The following NRXN1 variants were observed in gnomAD, a reference collection of about 807,000 sequenced individuals.
The protein encoded by NRXN1 is neurexin 1.
In NRXN1, 39 loss-of-function variants were observed where a neutral mutation model predicts 150.9. The observed-to-expected ratio is 0.26, with a 90% CI of 0.20 to 0.34. NRXN1 has a LOEUF of 0.34. Ranked by LOEUF, NRXN1 falls within the 10% of genes least tolerant of loss-of-function variation. The pLI is 1.00. For synonymous variants in NRXN1, 924 were observed against 757.0 expected, an observed-to-expected ratio of 1.22 and a Z score of -3.62; for missense variants, 1,815 against 1,949.9, an observed-to-expected ratio of 0.93 and a Z score of 1.30.
chr2:50,801,119 A>C (rs1707526819), intron 5 of NRXN1, among the ~76,000 whole-genome samples: 1 of 152,120 alleles, frequency 6.6e-6, no homozygotes, highest in African/African-American at 2.4e-5. Flanking sequence ...ATTATCAATT[A>C]TTTTTTATGC....
intron 2 of NRXN1, among the ~76,000 whole-genome samples, chr2:50,971,450 G>A (rs1265452087): frequency 1.3e-5 from 2 of 151,980 alleles, no homozygotes; most frequent in Admixed American, 6.6e-5. Flanking sequence ...TGGTGTGCTG[G>A]CAGGCACTTG....
intron 17 of NRXN1, among the ~76,000 whole-genome samples, chr2:50,290,577 T>C (rs1197990934): frequency 2.0e-5 from 3 of 152,092 alleles, no homozygotes; most frequent in Non-Finnish European, 4.4e-5. Flanking sequence ...ACAGTGCTAG[T>C]TTCCTACGTT....
In NRXN1 at chr2:50,930,674, G is replaced by C. The variant is rs76482246; in HGVS notation, c.773-4719C>G. 6.1e-3 allele frequency among the ~76,000 whole-genome samples: 923 copies of C among 152,228 alleles called. 5 individuals carry two copies. Among genetic ancestry groups the C allele is most frequent in the African/African-American group, 0.019 (800 of 41,536 alleles). On this transcript the variant is annotated intron_variant, in intron 2 of 22. Transcript: ENST00000401669. ...ACATTCATTTCAATAGTTGGACTTA[G>C]GAAGGAACACTGAATTTAACAGTGA...
At chr2:50,863,554 GCA>G (rs142827088) in intron 5 of NRXN1, among the ~76,000 whole-genome samples, 3,885 of 152,056 alleles carry the variant, frequency 0.026, 89 homozygotes, top group Non-Finnish European at 0.044. Context: ...CCAGGTATCA[GCA>G]CACAGCCCTT....
chr2:50,374,898 T>G (rs2080370563), intron 17 of NRXN1, among the ~76,000 whole-genome samples: 1 of 152,178 alleles, frequency 6.6e-6, no homozygotes, highest in Admixed American at 6.6e-5. Flanking sequence ...TCTTAAGTTA[T>G]GGAATGCAGC....
chr2:50,982,579 C>G (rs949700748), intron 2 of NRXN1, among the ~76,000 whole-genome samples: 46 of 152,072 alleles, frequency 3.0e-4, no homozygotes, highest in African/African-American at 1.0e-3. Flanking sequence ...TTTACATGAA[C>G]TTCATCTTTC....
intron 18 of NRXN1, among the ~76,000 whole-genome samples, chr2:50,169,483 G>A (rs997886336): frequency 2.0e-5 from 3 of 152,102 alleles, no homozygotes; most frequent in Non-Finnish European, 2.9e-5. Flanking sequence ...GGGAGGCCAA[G>A]GAGGGCGGAT....
chr2:50,116,682 T>C (rs1018041895), intron 18 of NRXN1, among the ~76,000 whole-genome samples: 7 of 152,064 alleles, frequency 4.6e-5, no homozygotes, highest in African/African-American at 7.2e-5. Context: ...TTCTGAGGAA[T>C]AGGCAAAATC....
intron 5 of NRXN1, among the ~76,000 whole-genome samples, chr2:50,749,380 T>C (rs531937959): frequency 1.3e-5 from 2 of 152,144 alleles, no homozygotes; most frequent in South Asian, 4.1e-4. Context: ...CCATTCTTTT[T>C]TCCCACAGAG....
intron 22 of NRXN1, among the ~76,000 whole-genome samples, chr2:49,935,964 G>A (rs1449719648): frequency 6.6e-6 from 1 of 152,110 alleles, no homozygotes; most frequent in African/African-American, 2.4e-5. Context: ...AGCTCAACAG[G>A]ACATGTGCCA....
chr2:50,953,140 A>AT (rs1298984401), intron 2 of NRXN1, among the ~76,000 whole-genome samples: 1 of 152,166 alleles, frequency 6.6e-6, no homozygotes, highest in African/African-American at 2.4e-5. Flanking sequence ...TCCTGATGGA[A>AT]TTGCACAATA....
intron 19 of NRXN1, among the ~76,000 whole-genome samples, chr2:50,090,068 T>A (rs1326136530): frequency 6.6e-6 from 1 of 152,212 alleles, no homozygotes; most frequent in East Asian, 1.9e-4. Context: ...ACATATTAAT[T>A]TCCTTGCTTC....
At chr2:50,951,839 T>C (rs1409006939) in intron 2 of NRXN1, among the ~76,000 whole-genome samples, 1 of 151,016 alleles carries the variant, frequency 6.6e-6, no homozygotes, top group African/African-American at 2.4e-5. Flanking sequence ...GGAATTATAG[T>C]GATTTTAAAA....
chr2:50,897,721 A>G (rs371027018), intron 5 of NRXN1, among the ~76,000 whole-genome samples: 1 of 152,172 alleles, frequency 6.6e-6, no homozygotes, highest in African/African-American at 2.4e-5. Context: ...TGGTGACAAA[A>G]GGAAGATCAG....
chr2:50,541,697 C>T (rs2093392782), intron 9 of NRXN1, among the ~76,000 whole-genome samples: 1 of 151,062 alleles, frequency 6.6e-6, no homozygotes, highest in Non-Finnish European at 1.5e-5. Flanking sequence ...ACACATCCAC[C>T]CACCCACCCA....
At chr2:50,490,659 G>A (rs1418139708) in intron 15 of NRXN1, among the ~76,000 whole-genome samples, 1 of 152,218 alleles carries the variant, frequency 6.6e-6, no homozygotes, top group Non-Finnish European at 1.5e-5. Flanking sequence ...CCAGCAGGCA[G>A]AGAGGAGCCA....
chr2:50,176,949 A>T (rs566063186), intron 18 of NRXN1, among the ~76,000 whole-genome samples: 1 of 152,170 alleles, frequency 6.6e-6, no homozygotes. Flanking sequence ...GAAAGGGAAG[A>T]GTAAACCGAG....
At chr2:49,978,106 G>C (rs1679310141) in intron 21 of NRXN1, among the ~76,000 whole-genome samples, 2 of 152,080 alleles carry the variant, frequency 1.3e-5, no homozygotes, top group South Asian at 4.1e-4. Flanking sequence ...AGGTTGCAGT[G>C]AGCTGAGATT....
chr2:50,773,079 C>T (rs1380611222), intron 5 of NRXN1, among the ~76,000 whole-genome samples: 2 of 152,156 alleles, frequency 1.3e-5, no homozygotes, highest in East Asian at 3.9e-4. Context: ...TGTCATACAA[C>T]TACTTTACCT....
Sources: gnomAD v4.1 joint callset for allele counts (sites outside exome capture counted in the v4.1 genomes callset) on GRCh38, gnomAD v4.1.1 for gene constraint, MANE v1.5 for transcripts, NCBI Gene and HGNC (gene_info 2026-07-23, HGNC 2026-07-21) for gene names.